The following MYH14 variants were observed in gnomAD, a reference collection of about 807,000 sequenced individuals.
MYH14 encodes the protein myosin-14.
In MYH14, 123 loss-of-function variants were observed where a neutral mutation model predicts 255.5. That is an observed-to-expected ratio of 0.48 (90% CI 0.42 to 0.56). MYH14 has a LOEUF of 0.56. Among genes scored for constraint, MYH14 ranks in the 20% least tolerant of loss-of-function variants. MYH14 has a pLI of 0.00. For synonymous variants in MYH14, 1,095 were observed against 1,161.2 expected, an observed-to-expected ratio of 0.94 and a Z score of 1.16; for missense variants, 2,423 against 2,802.3, an observed-to-expected ratio of 0.86 and a Z score of 3.06.
chr19:50,206,409 G>C (rs2031753762), intron 1 of MYH14, among the ~76,000 whole-genome samples: 1 of 151,624 alleles, frequency 6.6e-6, no homozygotes, highest in Middle Eastern at 3.2e-3. Flanking sequence ...GGAAGTGGAT[G>C]GGGTGGGGTG....
intron 23 of MYH14, 123 bp downstream of exon 23, chr19:50,267,131 G>C: frequency 2.1e-6 from 2 of 951,390 alleles, no homozygotes; most frequent in Non-Finnish European, 3.1e-6. Context: ...CAGGGCTGTC[G>C]GGAGGATGGG....
At chr19:50,218,678 T>C (rs1471702686) in intron 3 of MYH14, among the ~76,000 whole-genome samples, 1 of 152,030 alleles carries the variant, frequency 6.6e-6, no homozygotes, top group African/African-American at 2.4e-5. Context: ...AGTTCTTTGG[T>C]GGCGATTTCT....
chr19:50,238,076 C>G (rs1449147624), intron 10 of MYH14, among the ~76,000 whole-genome samples: 5 of 152,242 alleles, frequency 3.3e-5, no homozygotes, highest in Non-Finnish European at 7.3e-5. Context: ...TCTCCTTCCC[C>G]ATTTTACATC....
Position 50,250,484 on chromosome 19 carries a change from G to T in MYH14, c.1657-31G>T. The T allele has an allele frequency of 6.2e-7, 1 of 1,601,762 alleles. No individual in the cohort carries two copies. Among genetic ancestry groups the T allele is most frequent in the South Asian group, 1.1e-5 (1 of 88,990 alleles). ...CTGAGTGTCCAATATGTGGGGATCT[G>T]ACTTACTCTCCCCCTGCTGTCAATG... On this transcript the variant is annotated intron_variant, in intron 14 of 42. Transcript: ENST00000642316. The surrounding 1 kb of genome is among the most constrained non-coding windows in gnomAD (Gnocchi z 5.4).
intron 12 of MYH14, among the ~76,000 whole-genome samples, chr19:50,247,557 C>G (rs1423887395): frequency 6.6e-6 from 1 of 151,822 alleles, no homozygotes; most frequent in Non-Finnish European, 1.5e-5. Flanking sequence ...GTAAATGCAA[C>G]ATGGTATCCT....
chr19:50,262,971 G>C (rs1237603393), intron 21 of MYH14, among the ~76,000 whole-genome samples: 1 of 148,974 alleles, frequency 6.7e-6, no homozygotes, highest in Non-Finnish European at 1.5e-5. Flanking sequence ...AGGCCGAGGT[G>C]AGTAGATCAC....
At chr19:50,272,046 A>G in intron 26 of MYH14, 74 bp downstream of exon 26, 1 of 1,553,902 alleles carries the variant, frequency 6.4e-7, no homozygotes, top group Non-Finnish European at 8.7e-7. Flanking sequence ...CATGTGCTAC[A>G]GGGCCTCAGT....
chr19:50,259,292 G>C (rs1404786825), intron 19 of MYH14, 27 bp downstream of exon 19: 3 of 1,553,524 alleles, frequency 1.9e-6, no homozygotes, highest in East Asian at 4.8e-5. Context: ...GCCCAGGCCC[G>C]GCGGAGGGGC....
chr19:50,218,322 C>G (rs1055180262), intron 3 of MYH14, among the ~76,000 whole-genome samples: 57 of 151,438 alleles, frequency 3.8e-4, no homozygotes, highest in African/African-American at 1.4e-3. Flanking sequence ...TTTGGCCAGG[C>G]GCGGTGGCTC....
intron 16 of MYH14, 95 bp from the exon 17 acceptor site, chr19:50,255,125 C>A: frequency 1.3e-6 from 1 of 779,646 alleles, no homozygotes; most frequent in Admixed American, 2.2e-5. Flanking sequence ...TTCTTCCTGC[C>A]ACCTCCTCTC....
chr19:50,288,939 C>T (rs1196487210), intron 34 of MYH14, among the ~76,000 whole-genome samples: 1 of 151,952 alleles, frequency 6.6e-6, no homozygotes, highest in East Asian at 1.9e-4. Context: ...TTCATACCTC[C>T]CTGAAAGATC....
intron 24 of MYH14, 70 bp from the exon 25 acceptor site, chr19:50,271,339 C>T: frequency 6.6e-7 from 1 of 1,521,720 alleles, no homozygotes; most frequent in Non-Finnish European, 8.9e-7. Context: ...GCCATCCCCG[C>T]TCCCATCCTT....
chr19:50,271,524 ACCAGAATT>A lies in MYH14; in HGVS notation c.3153_3160del (p.Asn1052AlafsTer21), dbSNP rs1208834216. The A allele has an allele frequency of 1.2e-6, 2 of 1,606,328 alleles. No homozygotes were observed. The highest frequency in any genetic ancestry group is 2.7e-5 in the African/African-American group (2 of 74,814). ...GAAGAGGACCTGCTGCTCCTGGAAG[ACCAGAATT>A]CCAAGCTGAGCAAGGTTGGGGGCCT... On this transcript the variant is annotated frameshift_variant, in exon 25 of 43. Transcript: ENST00000642316. LOFTEE classifies it high-confidence loss of function.
chr19:50,300,704 G>A (rs1056103062), intron 39 of MYH14, among the ~76,000 whole-genome samples: 9 of 152,214 alleles, frequency 5.9e-5, no homozygotes, highest in African/African-American at 1.2e-4. Flanking sequence ...AGCTGAGATC[G>A]TGCCACTGCA....
At chr19:50,267,111 T>C in intron 23 of MYH14, 103 bp downstream of exon 23, 2 of 1,190,720 alleles carry the variant, frequency 1.7e-6, no homozygotes, top group Non-Finnish European at 2.3e-6. Context: ...TGAGCCAGCC[T>C]GTGCCCAGGC....
At chr19:50,308,978 T>C (rs756485584) in intron 41 of MYH14, 27 bp from the exon 42 acceptor site, 2 of 1,584,272 alleles carry the variant, frequency 1.3e-6, no homozygotes, top group South Asian at 2.3e-5. Flanking sequence ...CCTGGAGATA[T>C]AACCCAGTCC....
At chr19:50,270,640 A>G (rs1169464292) in intron 24 of MYH14, among the ~76,000 whole-genome samples, 3 of 151,578 alleles carry the variant, frequency 2.0e-5, no homozygotes, top group Non-Finnish European at 4.4e-5. Context: ...GGCAGTACCC[A>G]TTTCTATAAT....
chr19:50,256,715 A>G (rs182122350), intron 17 of MYH14, among the ~76,000 whole-genome samples: 1 of 152,356 alleles, frequency 6.6e-6, no homozygotes, highest in African/African-American at 2.4e-5. Flanking sequence ...TTCTGGAAAA[A>G]TGGTTAAAAT....
intron 24 of MYH14, among the ~76,000 whole-genome samples, chr19:50,269,801 G>A (rs1007504363): frequency 2.0e-5 from 3 of 152,180 alleles, no homozygotes; most frequent in Admixed American, 2.0e-4. Context: ...CACTGTGCCT[G>A]GTCCCCAGGA....
Sources: gnomAD v4.1 joint callset for allele counts (sites outside exome capture counted in the v4.1 genomes callset) on GRCh38, gnomAD v4.1.1 for gene constraint, Gnocchi (gnomAD v3.1) non-coding constraint, MANE v1.5 for transcripts, NCBI Gene and HGNC (gene_info 2026-07-23, HGNC 2026-07-21) for gene names.